The following GRID2 variants were observed in gnomAD, a reference collection of about 807,000 sequenced individuals.
GRID2 encodes glutamate ionotropic receptor delta type subunit 2.
GRID2 carries 33 observed loss-of-function variants against 114.8 expected under a neutral mutation model. The observed-to-expected ratio is 0.29, with a 90% CI of 0.22 to 0.38. The LOEUF is 0.38. GRID2 is among the 10% of genes least tolerant of loss of function. GRID2 has a pLI of 1.00. For synonymous variants in GRID2, 505 were observed against 449.9 expected (o/e 1.12, Z -1.55); for missense variants, 1,184 against 1,257.7 (o/e 0.94, Z 0.89).
At chr4:93,697,582 G>A (rs1451671101) in intron 14 of GRID2, among the ~76,000 whole-genome samples, 3 of 151,982 alleles carry the variant, frequency 2.0e-5, no homozygotes, top group Non-Finnish European at 4.4e-5. Context: ...TCCAGAAGAA[G>A]ATGCAGTGCC....
intron 1 of GRID2, among the ~76,000 whole-genome samples, chr4:93,787,271 T>G (rs192259702): frequency 1.3e-5 from 2 of 152,156 alleles, no homozygotes; most frequent in Admixed American, 6.5e-5. Context: ...CTGACTTGAC[T>G]ACCATAGAGG....
intron 2 of GRID2, among the ~76,000 whole-genome samples, chr4:92,646,888 CTT>C (rs33921659): frequency 1.6e-4 from 9 of 56,114 alleles, no homozygotes; most frequent in East Asian, 7.3e-4. Flanking sequence ...TCTTTGAATT[CTT>C]TTTTTTTTTT....
chr4:93,512,413 T>A (rs1729283947), intron 12 of GRID2, among the ~76,000 whole-genome samples: 1 of 152,166 alleles, frequency 6.6e-6, no homozygotes, highest in South Asian at 2.1e-4. Context: ...TAATAGTTAC[T>A]CCCTTTCTAT....
chr4:93,201,682 C>T (rs1432951370), intron 4 of GRID2, among the ~76,000 whole-genome samples: 2 of 152,192 alleles, frequency 1.3e-5, no homozygotes, highest in Middle Eastern at 3.2e-3. Context: ...TAAATCGTCC[C>T]CTGCACTTGT....
intron 8 of GRID2, among the ~76,000 whole-genome samples, chr4:93,358,294 CTT>C (rs1320735848): frequency 2.0e-5 from 3 of 151,728 alleles, no homozygotes; most frequent in Non-Finnish European, 4.4e-5. Flanking sequence ...AAAAATGACT[CTT>C]TTCTTGTTCC....
intron 14 of GRID2, among the ~76,000 whole-genome samples, chr4:93,746,728 C>A (rs1731868825): frequency 6.6e-6 from 1 of 152,026 alleles, no homozygotes; most frequent in South Asian, 2.1e-4. Context: ...TACAATATTT[C>A]AAAGTAGCAT....
intron 2 of GRID2, among the ~76,000 whole-genome samples, chr4:92,766,362 C>T (rs936316023): frequency 3.3e-5 from 5 of 152,000 alleles, no homozygotes; most frequent in East Asian, 3.9e-4. Context: ...CATGGTGAAA[C>T]CCCGTCTCTA....
At chr4:93,768,479 C>G (rs1733852784) in intron 14 of GRID2, among the ~76,000 whole-genome samples, 1 of 152,170 alleles carries the variant, frequency 6.6e-6, no homozygotes, top group African/African-American at 2.4e-5. Context: ...GAAAAAGAAG[C>G]AGCAGAAGAA....
chr4:92,727,325 C>A (rs549099925), intron 2 of GRID2, among the ~76,000 whole-genome samples: 1 of 152,032 alleles, frequency 6.6e-6, no homozygotes, highest in East Asian at 1.9e-4. Flanking sequence ...TAAATTTATG[C>A]AAAAACATTT....
chr4:92,748,400 C>T (rs1560570050), intron 2 of GRID2, among the ~76,000 whole-genome samples: 1 of 152,060 alleles, frequency 6.6e-6, no homozygotes. Context: ...CCGCTACTTT[C>T]CCAGGGTGTT....
At chr4:92,438,188 T>G (rs1560628859) in intron 1 of GRID2, among the ~76,000 whole-genome samples, 1 of 151,332 alleles carries the variant, frequency 6.6e-6, no homozygotes, top group African/African-American at 2.4e-5. Context: ...ATATCTCACC[T>G]TTTTTTTTCC....
intron 2 of GRID2, among the ~76,000 whole-genome samples, chr4:92,593,574 C>T (rs962161468): frequency 2.0e-5 from 3 of 151,824 alleles, no homozygotes; most frequent in African/African-American, 7.2e-5. Context: ...ACACGGGGTA[C>T]ACATTCCATT....
At chr4:92,485,316 A>C (rs966568628) in intron 1 of GRID2, among the ~76,000 whole-genome samples, 1 of 85,512 alleles carries the variant, frequency 1.2e-5, no homozygotes, top group Non-Finnish European at 2.6e-5. Flanking sequence ...ATATATATAT[A>C]TATATATATA....
intron 1 of GRID2, among the ~76,000 whole-genome samples, chr4:92,483,556 A>T (rs1366383574): frequency 6.6e-6 from 1 of 152,176 alleles, no homozygotes; most frequent in African/African-American, 2.4e-5. Flanking sequence ...CACTGGGACG[A>T]TCAAAGCTAG....
intron 9 of GRID2, among the ~76,000 whole-genome samples, chr4:93,408,633 G>T (rs1308487708): frequency 3.9e-5 from 6 of 152,018 alleles, no homozygotes; most frequent in Non-Finnish European, 8.8e-5. Flanking sequence ...CTGGCACAGA[G>T]GTCATTTTTA....
chr4:93,255,857 C>T (rs1306022427), intron 8 of GRID2, among the ~76,000 whole-genome samples: 2 of 151,978 alleles, frequency 1.3e-5, no homozygotes, highest in East Asian at 3.9e-4. Context: ...TCTCAGGTAT[C>T]CTATTAGAGC....
chr4:92,639,340 TAATA>T (rs1731233374), intron 2 of GRID2, among the ~76,000 whole-genome samples: 1 of 151,882 alleles, frequency 6.6e-6, no homozygotes, highest in African/African-American at 2.4e-5. Context: ...CTCATATATC[TAATA>T]TTTGCTACAG....
rs577133635 is a variant in GRID2 at position 92,938,673 on chromosome 4, C to T, written c.245-146322C>T. Among the ~76,000 whole-genome samples, 49 of 146,350 alleles carry T rather than the reference C, an allele frequency of 3.3e-4. 8 individuals carry two copies. The South Asian group carries it at 0.011, about 34-fold the overall frequency. On this transcript the variant is annotated intron_variant, in intron 2 of 15. Coordinates refer to ENST00000282020, the MANE Select transcript of GRID2 (RefSeq NM_001510.4). ...TGGCGTGCTGAATCCATTAACTCCT[C>T]ATTTAGCCTTAGGTATATCTCTTAA... is the stretch of plus-strand genomic sequence containing the variant.
chr4:92,753,108 GTAAT>G (rs1378384238), intron 2 of GRID2, among the ~76,000 whole-genome samples: 1 of 152,090 alleles, frequency 6.6e-6, no homozygotes, highest in African/African-American at 2.4e-5. Flanking sequence ...ACAAATGTAA[GTAAT>G]ACACACATTT....
Sources: gnomAD v4.1 joint callset for allele counts (sites outside exome capture counted in the v4.1 genomes callset) on GRCh38, gnomAD v4.1.1 for gene constraint, MANE v1.5 for transcripts, NCBI Gene and HGNC (gene_info 2026-07-23, HGNC 2026-07-21) for gene names.